TMOD1: variants seen among roughly 807,000 people sequenced by gnomAD.
TMOD1 encodes tropomodulin 1.
In TMOD1, 17 loss-of-function variants were observed where a neutral mutation model predicts 40.6. That is an observed-to-expected ratio of 0.42 (90% CI 0.29 to 0.63). The LOEUF (loss-of-function observed/expected upper bound fraction) is 0.63, where lower values mean the gene tolerates loss of function less well. TMOD1 is among the 20% of genes least tolerant of loss of function. The probability of loss-of-function intolerance (pLI) is 0.22; values close to 1 mark genes in which losing one functional copy is unlikely to be tolerated. For synonymous variants in TMOD1, 181 were observed against 175.0 expected (o/e 1.03, Z -0.27); for missense variants, 391 against 447.6 (o/e 0.87, Z 1.14).
chr9:97,574,550 AGGAG>A (rs1485605387), intron 8 of TMOD1, among the ~76,000 whole-genome samples: 1 of 152,224 alleles, frequency 6.6e-6, no homozygotes, highest in Admixed American at 6.5e-5. Flanking sequence ...CCAAGGGCTG[AGGAG>A]TGCGGGCGCA....
At chr9:97,525,117 A>G (rs566302914) in intron 2 of TMOD1, among the ~76,000 whole-genome samples, 4 of 152,338 alleles carry the variant, frequency 2.6e-5, no homozygotes, top group South Asian at 2.1e-4. Context: ...TCTGCCTAAC[A>G]TGATACAACT....
At chr9:97,596,170 C>A (rs1373413380) in intron 9 of TMOD1, among the ~76,000 whole-genome samples, 2 of 152,190 alleles carry the variant, frequency 1.3e-5, no homozygotes, top group African/African-American at 4.8e-5. Context: ...TCCACCCCAG[C>A]CAGCCAGTCA....
chr9:97,593,593 G>A (rs1261116404), intron 9 of TMOD1, among the ~76,000 whole-genome samples: 1 of 152,092 alleles, frequency 6.6e-6, no homozygotes, highest in Non-Finnish European at 1.5e-5. Flanking sequence ...ACCTCTGACT[G>A]AAGAAGCTTT....
At chr9:97,532,191 G>A (rs1830111856) in intron 2 of TMOD1, among the ~76,000 whole-genome samples, 1 of 152,130 alleles carries the variant, frequency 6.6e-6, no homozygotes, top group Non-Finnish European at 1.5e-5. Context: ...CTAAAAATAG[G>A]CACACATCCT....
intron 2 of TMOD1, among the ~76,000 whole-genome samples, chr9:97,540,288 T>G (rs1345130367): frequency 6.6e-6 from 1 of 152,188 alleles, no homozygotes; most frequent in African/African-American, 2.4e-5. Flanking sequence ...AGGGGTTAGT[T>G]TCTGGTAAAG....
At chr9:97,572,695 C>T (rs1203645250) in intron 8 of TMOD1, among the ~76,000 whole-genome samples, 1 of 152,124 alleles carries the variant, frequency 6.6e-6, no homozygotes, top group African/African-American at 2.4e-5. Flanking sequence ...TCCTTGGAGA[C>T]GGGAGCTTTT....
At chr9:97,569,086 T>C in intron 8 of TMOD1, 49 bp downstream of exon 8, 1 of 1,599,732 alleles carries the variant, frequency 6.3e-7, no homozygotes, top group Non-Finnish European at 8.6e-7. Flanking sequence ...TGCAGCTCGC[T>C]GGCCTGCAGT....
At chr9:97,551,512 A>G (rs1007238917) in intron 3 of TMOD1, among the ~76,000 whole-genome samples, 4 of 152,176 alleles carry the variant, frequency 2.6e-5, no homozygotes, top group Admixed American at 2.6e-4. Context: ...TCAATTTGCC[A>G]TAGATGTTTG....
At chr9:97,539,601 T>C (rs949934752) in intron 2 of TMOD1, among the ~76,000 whole-genome samples, 21 of 152,230 alleles carry the variant, frequency 1.4e-4, no homozygotes, top group African/African-American at 4.8e-4. Flanking sequence ...CTCCCATAGA[T>C]GAACATATGC....
At chr9:97,593,362 T>G (rs1192982480) in intron 9 of TMOD1, among the ~76,000 whole-genome samples, 1 of 152,132 alleles carries the variant, frequency 6.6e-6, no homozygotes, top group African/African-American at 2.4e-5. Context: ...CACCAAGAAC[T>G]TTCAGAGGCC....
intron 2 of TMOD1, among the ~76,000 whole-genome samples, chr9:97,539,302 G>T (rs1241437150): frequency 6.6e-6 from 1 of 152,210 alleles, no homozygotes; most frequent in Non-Finnish European, 1.5e-5. Flanking sequence ...CAGAATGGTT[G>T]TGGGAACTCT....
chr9:97,527,964 C>T (rs1442205654), intron 2 of TMOD1, among the ~76,000 whole-genome samples: 3 of 152,174 alleles, frequency 2.0e-5, no homozygotes, highest in Admixed American at 2.0e-4. Flanking sequence ...CAGAGCCAAG[C>T]GACAGACCTG....
chr9:97,524,983 A>T (rs1829987223), intron 2 of TMOD1, among the ~76,000 whole-genome samples: 1 of 152,154 alleles, frequency 6.6e-6, no homozygotes, highest in Admixed American at 6.5e-5. Flanking sequence ...TGAGCATCCC[A>T]TGGCCAAGTC....
At chr9:97,527,817 A>G (rs1830040525) in intron 2 of TMOD1, among the ~76,000 whole-genome samples, 1 of 152,260 alleles carries the variant, frequency 6.6e-6, no homozygotes, top group East Asian at 1.9e-4. Context: ...CCGCGGGGGA[A>G]TCTCTGCCAT....
chr9:97,555,485 G>T, intron 4 of TMOD1: 1 of 1,437,558 alleles, frequency 7.0e-7, no homozygotes. Flanking sequence ...TGGCTTTCTT[G>T]AAACTACTTC....
intron 4 of TMOD1, among the ~76,000 whole-genome samples, chr9:97,558,867 TC>T (rs1454515352): frequency 6.6e-6 from 1 of 151,926 alleles, no homozygotes; most frequent in Non-Finnish European, 1.5e-5. Flanking sequence ...AAACTGAGCG[TC>T]CCCCCAGCCC....
intron 8 of TMOD1, among the ~76,000 whole-genome samples, chr9:97,589,702 A>C (rs1825962346): frequency 1.3e-5 from 2 of 151,874 alleles, no homozygotes; most frequent in African/African-American, 4.8e-5. Flanking sequence ...CATTTTATTT[A>C]TTTTTCTTGC....
chr9:97,582,747 A>T (rs1242947225), intron 8 of TMOD1, among the ~76,000 whole-genome samples: 1 of 117,884 alleles, frequency 8.5e-6, no homozygotes, highest in Non-Finnish European at 1.7e-5. Context: ...TAGGTATTTT[A>T]TTCTCTTTGA....
chr9:97,583,870 C>T (rs1344587600), intron 8 of TMOD1, among the ~76,000 whole-genome samples: 34 of 148,030 alleles, frequency 2.3e-4, no homozygotes, highest in Non-Finnish European at 2.7e-4. Flanking sequence ...TTTTTTATTG[C>T]GTCTATTTGA....
Sources: allele counts gnomAD v4.1 joint callset (sites outside exome capture counted in the v4.1 genomes callset), GRCh38; gene constraint gnomAD v4.1.1; transcripts MANE v1.5; gene names NCBI Gene and HGNC (gene_info 2026-07-23, HGNC 2026-07-21).